Variants in KIF13A observed in about 807,000 individuals in gnomAD.
The protein encoded by KIF13A is kinesin family member 13A, also known as kinesin-like protein KIF13A.
Under a neutral mutation model 212.2 loss-of-function variants are expected in KIF13A, and 79 were observed. The ratio of observed to expected loss-of-function variants is 0.37; its 90% CI spans 0.31 to 0.45. The LOEUF (loss-of-function observed/expected upper bound fraction) is 0.45, where lower values mean the gene tolerates loss of function less well. Among genes scored for constraint, KIF13A ranks in the 20% least tolerant of loss-of-function variants. KIF13A has a pLI of 1.00. For synonymous variants in KIF13A, 789 were observed against 808.6 expected, an observed-to-expected ratio of 0.98 and a Z score of 0.41; for missense variants, 1,901 against 2,209.0, an observed-to-expected ratio of 0.86 and a Z score of 2.79.
At chr6:17,943,897 C>T (rs1397299450) in intron 2 of KIF13A, among the ~76,000 whole-genome samples, 2 of 152,140 alleles carry the variant, frequency 1.3e-5, no homozygotes, top group Non-Finnish European at 2.9e-5. Context: ...ATGCAGTGAA[C>T]TGGTTAAATG....
chr6:17,764,425 T>C lies in KIF13A; in HGVS notation c.5103A>G (p.Glu1701=). The C allele has an allele frequency of 1.2e-6, 2 of 1,614,056 alleles. No homozygotes were observed. The highest frequency in any genetic ancestry group is 2.2e-5 in the South Asian group (2 of 91,086). Residue 1701 remains glutamate, a synonymous_variant, in exon 39 of 39, where the codon GAA becomes GAG. Transcript: ENST00000259711. The surrounding 1 kb of genome is among the most constrained non-coding windows in gnomAD (Gnocchi z 5.1). ...TAATTTTGCTGGGGCAGGCATCTAGTTCTGAACATGAGCCAGTCCTGCACA... is the reference window on the plus strand; with the variant it reads ...TAATTTTGCTGGGGCAGGCATCTAGCTCTGAACATGAGCCAGTCCTGCACA... The part of the protein sequence containing the change: ...KSLCRTGSCS[E]LDACPSKISQ...
chr6:17,781,123 C>G (rs1391363139), intron 30 of KIF13A, 54 bp downstream of exon 30: 1 of 1,607,690 alleles, frequency 6.2e-7, no homozygotes, highest in Admixed American at 1.7e-5. Context: ...AGCAGGCCCA[C>G]AAGCCTTGTG....
rs1759488605 is a variant in KIF13A, at chr6:17,771,489, G to A, written c.4477-271C>T. The A allele has an allele frequency of 2.3e-6, 1 of 430,936 alleles. No homozygotes were observed. Among genetic ancestry groups the A allele is most frequent in the Non-Finnish European group, 4.1e-6 (1 of 242,382 alleles). 26.7% of individuals were successfully genotyped at this position (430,936 alleles called of 1,614,324 possible). ...TGCCTGCAATCCCAGTGCCTTGGGA[G>A]GCTGGGGCAAAAGAATCACTTGAGG... On this transcript the variant is annotated intron_variant, in intron 37 of 38. Coordinates refer to ENST00000259711, the MANE Select transcript of KIF13A (RefSeq NM_022113.6). The surrounding 1 kb of genome is among the most constrained non-coding windows in gnomAD (Gnocchi z 5.4).
chr6:17,906,215 A>G, intron 2 of KIF13A, among the ~76,000 whole-genome samples: 1 of 152,160 alleles, frequency 6.6e-6, no homozygotes. Flanking sequence ...ACATGCCACC[A>G]AGTTTGTTTT....
chr6:17,850,278 A>T lies in KIF13A; in HGVS notation c.717+45T>A, dbSNP rs763332374. On this transcript the variant is annotated intron_variant, in intron 8 of 38. Transcript: ENST00000259711. This position sits in a 1 kb window ranked among gnomAD's most constrained non-coding sequence, Gnocchi z 6.2. ...AGACTTTACCTATATGGACACTTTC[A>T]GTTCTTCCACCCCCACTCCAAAAAG... 1 of 1,559,632 alleles carries T rather than the reference A, an allele frequency of 6.4e-7. No individual in the cohort carries two copies. Among genetic ancestry groups the T allele is most frequent in the East Asian group, 2.3e-5 (1 of 44,018 alleles).
At chr6:17,928,239 G>A (rs1183868812) in intron 2 of KIF13A, among the ~76,000 whole-genome samples, 10 of 152,206 alleles carry the variant, frequency 6.6e-5, no homozygotes, top group African/African-American at 1.9e-4. Flanking sequence ...TCATGTGCAT[G>A]CTTCTCTATA....
chr6:17,986,789 C>T (rs1429762060), intron 2 of KIF13A, among the ~76,000 whole-genome samples: 1 of 152,238 alleles, frequency 6.6e-6, no homozygotes, highest in African/African-American at 2.4e-5. Flanking sequence ...CCGGCCCTCT[C>T]CCTCCCGGGT....
intron 18 of KIF13A, among the ~76,000 whole-genome samples, chr6:17,807,501 G>A (rs1052353688): frequency 1.3e-4 from 19 of 151,852 alleles, no homozygotes; most frequent in Admixed American, 3.9e-4. Flanking sequence ...TGGTCAGACC[G>A]GTTCTCTGCT....
Position 17,805,504 on chromosome 6 carries a change from A to T in KIF13A, c.2275T>A (p.Tyr759Asn), listed in dbSNP as rs754136335. ...GGAACTTTTTCCTTCCATTCTTGGT[A>T]AAGGTCTCTCATGTCAATTAATTTA... Reference protein sequence around the residue: ...ENKLIDMRDLYQEWKEKVPEA... With the variant: ...ENKLIDMRDLNQEWKEKVPEA... Residue 759 changes from tyrosine to asparagine, a missense_variant, in exon 19 of 39, where the codon TAC (tyrosine) becomes AAC (asparagine). This residue lies in a region of KIF13A where 534 missense variants were observed against 536.9 expected (regional missense o/e 0.99). Transcript: ENST00000259711. 3 of 1,613,438 alleles carry T rather than the reference A, an allele frequency of 1.9e-6. No homozygotes were observed. Among genetic ancestry groups the T allele is most frequent in the East Asian group, 4.5e-5 (2 of 44,860 alleles).
intron 2 of KIF13A, among the ~76,000 whole-genome samples, chr6:17,978,651 T>A (rs1780799193): frequency 6.6e-6 from 1 of 152,252 alleles, no homozygotes. Flanking sequence ...CTGCTCTTCT[T>A]CCAGGGAAGA....
rs969203616 is a variant in KIF13A, at chr6:17,892,911, T to C, written c.159+5257A>G. Among the ~76,000 whole-genome samples, 1 of 152,222 alleles carries C rather than the reference T, an allele frequency of 6.6e-6. No individual in the cohort carries two copies. Among genetic ancestry groups the C allele is most frequent in the African/African-American group, 2.4e-5 (1 of 41,454 alleles). On this transcript the variant is annotated intron_variant, in intron 3 of 38. Coordinates refer to ENST00000259711, the MANE Select transcript of KIF13A (RefSeq NM_022113.6). This position sits in a 1 kb window ranked among gnomAD's most constrained non-coding sequence, Gnocchi z 4.7. Reference sequence around the variant, plus strand: ...GGCGTTCCTGAGTTCTGTGAGCCATTCTAGCAAATTATGGAACCTGAGGAG... The same window carrying C: ...GGCGTTCCTGAGTTCTGTGAGCCATCCTAGCAAATTATGGAACCTGAGGAG...
At chr6:17,954,187 G>C (rs1408939173) in intron 2 of KIF13A, among the ~76,000 whole-genome samples, 1 of 151,650 alleles carries the variant, frequency 6.6e-6, no homozygotes, top group Non-Finnish European at 1.5e-5. Context: ...TGTAGTCCCA[G>C]CTACTCCGAA....
At chr6:17,807,573 T>C (rs971985620) in intron 18 of KIF13A, among the ~76,000 whole-genome samples, 3 of 152,186 alleles carry the variant, frequency 2.0e-5, no homozygotes, top group South Asian at 2.1e-4. Context: ...CCACTGAACA[T>C]AGACCCTTAT....
In KIF13A at chr6:17,837,677, G is replaced by A. The variant is rs116545854; in HGVS notation, c.831-94C>T. 1,000 of 865,926 alleles carry A rather than the reference G, an allele frequency of 1.2e-3. 4 individuals carry two copies. Among genetic ancestry groups the A allele is most frequent in the Middle Eastern group, 5.2e-3 (20 of 3,832 alleles). 53.6% of individuals were successfully genotyped at this position (865,926 alleles called of 1,614,324 possible). On this transcript the variant is annotated intron_variant, in intron 9 of 38. Coordinates refer to ENST00000259711, the MANE Select transcript of KIF13A (RefSeq NM_022113.6). The surrounding 1 kb of genome is among the most constrained non-coding windows in gnomAD (Gnocchi z 5.4). ...CAATAAAGCTCCACAGTTAATACAC[G>A]TTGGTGGCTCACGCCCGTAATCCCA...
chr6:17,805,754 C>T (rs528606725), intron 18 of KIF13A, 139 bp from the exon 19 acceptor site: 12 of 728,130 alleles, frequency 1.6e-5, no homozygotes, highest in Admixed American at 3.0e-5. Flanking sequence ...CTACCACCTA[C>T]GAGGATAGTC....
At chr6:17,864,740 T>C (rs1257140173) in intron 4 of KIF13A, among the ~76,000 whole-genome samples, 1 of 152,176 alleles carries the variant, frequency 6.6e-6, no homozygotes, top group African/African-American at 2.4e-5. Context: ...CAAGTGAGCC[T>C]CCCACCTTGG....
chr6:17,852,080 CA>C (rs1562056227), intron 6 of KIF13A, 38 bp from the exon 7 acceptor site: 2 of 1,121,964 alleles, frequency 1.8e-6, no homozygotes, highest in East Asian at 5.9e-5. Flanking sequence ...TGAATCACAC[CA>C]AAGCTGGAAG....
In KIF13A at chr6:17,934,862, A is replaced by C. The variant is rs1272107773; in HGVS notation, c.147-36682T>G. 6.6e-6 allele frequency among the ~76,000 whole-genome samples: 1 copy of C among 152,124 alleles called. No homozygotes were observed. Among genetic ancestry groups the C allele is most frequent in the East Asian group, 1.9e-4 (1 of 5,194 alleles). ...TAAATATGGCCACCATCTAATGTAA[A>C]ATGTGACTCAATTTTCACTAGTAAT... On this transcript the variant is annotated intron_variant, in intron 2 of 38. Coordinates refer to ENST00000259711, the MANE Select transcript of KIF13A (RefSeq NM_022113.6). This position sits in a 1 kb window ranked among gnomAD's most constrained non-coding sequence, Gnocchi z 5.4.
chr6:17,772,614 C>A lies in KIF13A; in HGVS notation c.4325-555G>T, dbSNP rs530976319. ...TCCAGCTTAAGCACCACTAACCAGA[C>A]CAATTTCAGCTCACGCTGATTTTCC... On this transcript the variant is annotated intron_variant, in intron 36 of 38. Transcript: ENST00000259711. The surrounding 1 kb of genome is among the most constrained non-coding windows in gnomAD (Gnocchi z 4.8). Among the ~76,000 whole-genome samples, 2 of 152,354 alleles carry A rather than the reference C, an allele frequency of 1.3e-5. No individual in the cohort carries two copies. The highest frequency in any genetic ancestry group is 4.8e-5 in the African/African-American group (2 of 41,586).
Sources: allele counts gnomAD v4.1 joint callset (sites outside exome capture counted in the v4.1 genomes callset), GRCh38; gene constraint gnomAD v4.1.1; regional missense constraint gnomAD v4.1.1; non-coding constraint Gnocchi (gnomAD v3.1); transcripts MANE v1.5; gene names NCBI Gene and HGNC (gene_info 2026-07-23, HGNC 2026-07-21).